The following RIN2 variants were observed in gnomAD, a reference collection of about 807,000 sequenced individuals.
The protein encoded by RIN2 is RAB5 interacting protein 2.
RIN2 carries 36 observed loss-of-function variants against 78.0 expected under a neutral mutation model. That is an observed-to-expected ratio of 0.46 (90% CI 0.35 to 0.61). The LOEUF is 0.61. Ranked by LOEUF, RIN2 falls within the 20% of genes least tolerant of loss-of-function variation. RIN2 has a pLI of 0.00. For missense variants in RIN2, 1,087 were observed against 1,159.7 expected, an observed-to-expected ratio of 0.94 and a Z score of 0.91; for synonymous variants, 466 against 466.8, an observed-to-expected ratio of 1.00 and a Z score of 0.02.
At chr20:19,783,081 G>A (rs144812763) in intron 1 of RIN2, among the ~76,000 whole-genome samples, 1,691 of 152,310 alleles carry the variant, frequency 0.011, 25 homozygotes, top group African/African-American at 0.038. Flanking sequence ...AGTGCCCCAC[G>A]TTGGTGGTGG....
chr20:19,794,010 G>C (rs1002701330), intron 1 of RIN2, among the ~76,000 whole-genome samples: 1 of 152,112 alleles, frequency 6.6e-6, no homozygotes, highest in Admixed American at 6.5e-5. Flanking sequence ...AATCAAATTG[G>C]TCACTGAATC....
intron 3 of RIN2, among the ~76,000 whole-genome samples, chr20:19,908,341 A>G (rs1040766826): frequency 2.0e-5 from 3 of 152,076 alleles, no homozygotes; most frequent in Non-Finnish European, 2.9e-5. Context: ...AATACAAAAA[A>G]TTAGCCGGAC....
chr20:19,965,673 G>A (rs554640520), intron 7 of RIN2, among the ~76,000 whole-genome samples: 2 of 152,316 alleles, frequency 1.3e-5, no homozygotes, highest in South Asian at 2.1e-4. Flanking sequence ...GAGCAGTGGC[G>A]TGATCTTGGC....
intron 1 of RIN2, among the ~76,000 whole-genome samples, chr20:19,758,846 T>C (rs1156423717): frequency 2.6e-5 from 4 of 152,120 alleles, no homozygotes; most frequent in Non-Finnish European, 5.9e-5. Flanking sequence ...CACTGGTGAG[T>C]CCAGCCAGTG....
At chr20:19,778,455 T>C (rs923076592) in intron 1 of RIN2, among the ~76,000 whole-genome samples, 24 of 152,330 alleles carry the variant, frequency 1.6e-4, no homozygotes, top group Middle Eastern at 6.8e-3. Context: ...CTCACAGTTT[T>C]GTGGGGTGAA....
At chr20:19,870,302 C>T (rs1322796786) in intron 2 of RIN2, among the ~76,000 whole-genome samples, 1 of 152,102 alleles carries the variant, frequency 6.6e-6, no homozygotes, top group East Asian at 1.9e-4. Flanking sequence ...GGAACTAGTC[C>T]AGATCATGTC....
intron 3 of RIN2, among the ~76,000 whole-genome samples, chr20:19,926,892 A>C (rs1221497904): frequency 6.6e-6 from 1 of 152,240 alleles, no homozygotes; most frequent in Admixed American, 6.5e-5. Flanking sequence ...CTTGACCTTC[A>C]AGAGAATTTT....
At chr20:19,788,037 A>G (rs901070908) in intron 1 of RIN2, among the ~76,000 whole-genome samples, 9 of 152,212 alleles carry the variant, frequency 5.9e-5, no homozygotes, top group Non-Finnish European at 1.2e-4. Flanking sequence ...TAACATTTAG[A>G]TTAAAAATAC....
At chr20:19,829,759 G>T (rs755136610) in intron 2 of RIN2, among the ~76,000 whole-genome samples, 1 of 152,198 alleles carries the variant, frequency 6.6e-6, no homozygotes, top group African/African-American at 2.4e-5. Context: ...CCACCAAGGG[G>T]TTGGCCACTA....
chr20:19,898,575 G>C (rs886645443), intron 3 of RIN2, among the ~76,000 whole-genome samples: 1 of 152,248 alleles, frequency 6.6e-6, no homozygotes, highest in Non-Finnish European at 1.5e-5. Context: ...AAGGCAGTCT[G>C]TGATAAGTTT....
At chr20:19,762,508 A>G (rs923557080) in intron 1 of RIN2, among the ~76,000 whole-genome samples, 4 of 152,210 alleles carry the variant, frequency 2.6e-5, no homozygotes, top group African/African-American at 4.8e-5. Context: ...AAAAAGTAAC[A>G]ATTCTCATTT....
At chr20:19,803,665 T>C (rs929405253) in intron 2 of RIN2, among the ~76,000 whole-genome samples, 3 of 152,236 alleles carry the variant, frequency 2.0e-5, no homozygotes, top group African/African-American at 7.2e-5. Flanking sequence ...CTCCAGATTG[T>C]CTTACCTGTA....
chr20:19,880,090 A>G (rs1259170610), intron 2 of RIN2, among the ~76,000 whole-genome samples: 1 of 152,050 alleles, frequency 6.6e-6, no homozygotes. Context: ...CTCTAACAAA[A>G]TTACAAAAAT....
At chr20:19,904,450 A>G (rs2039132328) in intron 3 of RIN2, among the ~76,000 whole-genome samples, 1 of 151,944 alleles carries the variant, frequency 6.6e-6, no homozygotes, top group African/African-American at 2.4e-5. Context: ...AACTTGAAGG[A>G]TGGGGATGAG....
intron 1 of RIN2, among the ~76,000 whole-genome samples, chr20:19,786,688 G>T (rs141598157): frequency 1.3e-5 from 2 of 152,218 alleles, no homozygotes; most frequent in Admixed American, 1.3e-4. Flanking sequence ...TGCATGAAGC[G>T]TGAAGATGCA....
At chr20:19,988,869 G>A (rs1261794616) in intron 9 of RIN2, among the ~76,000 whole-genome samples, 3 of 151,192 alleles carry the variant, frequency 2.0e-5, no homozygotes, top group Non-Finnish European at 4.4e-5. Flanking sequence ...TTAGCACTTC[G>A]CCACATCTGC....
chr20:19,860,752 G>C (rs1365217066), intron 2 of RIN2, among the ~76,000 whole-genome samples: 1 of 152,180 alleles, frequency 6.6e-6, no homozygotes, highest in African/African-American at 2.4e-5. Flanking sequence ...GCACTGATAA[G>C]CTTGTCTTTT....
chr20:19,776,782 T>A (rs1382954518), intron 1 of RIN2, among the ~76,000 whole-genome samples: 2 of 151,814 alleles, frequency 1.3e-5, no homozygotes, highest in Non-Finnish European at 2.9e-5. Flanking sequence ...GCCCACAGCC[T>A]GGAAACCCCT....
chr20:19,838,900 C>T (rs1395298496), intron 2 of RIN2, among the ~76,000 whole-genome samples: 1 of 152,146 alleles, frequency 6.6e-6, no homozygotes, highest in African/African-American at 2.4e-5. Flanking sequence ...TCCTCTCCAG[C>T]CCCCAAACCT....
Sources: allele counts gnomAD v4.1 joint callset (sites outside exome capture counted in the v4.1 genomes callset), GRCh38; gene constraint gnomAD v4.1.1; transcripts MANE v1.5; gene names NCBI Gene and HGNC (gene_info 2026-07-23, HGNC 2026-07-21).